Variants in SPTBN4 observed in about 807,000 individuals in gnomAD.
SPTBN4 encodes the protein spectrin beta chain, non-erythrocytic 4.
In SPTBN4, 96 loss-of-function variants were observed where a neutral mutation model predicts 277.8. The observed-to-expected ratio is 0.35, with a 90% CI of 0.29 to 0.41. The LOEUF (loss-of-function observed/expected upper bound fraction) is 0.41, where lower values mean the gene tolerates loss of function less well. Among genes scored for constraint, SPTBN4 ranks in the 10% least tolerant of loss-of-function variants. The probability of loss-of-function intolerance (pLI) is 1.00; values close to 1 mark genes in which losing one functional copy is unlikely to be tolerated. For missense variants in SPTBN4, 3,006 were observed against 3,595.7 expected, an observed-to-expected ratio of 0.84 and a Z score of 4.19; for synonymous variants, 1,481 against 1,580.3, an observed-to-expected ratio of 0.94 and a Z score of 1.49.
chr19:40,502,841 C>G lies in SPTBN4; in HGVS notation c.1270C>G (p.Gln424Glu), dbSNP rs2080279003. The G allele has an allele frequency of 3.7e-6, 6 of 1,613,900 alleles. No individual in the cohort carries two copies. Among genetic ancestry groups the G allele is most frequent in the Middle Eastern group, 3.3e-4 (2 of 6,062 alleles). ...TGCCCTACGGGCTGAGCTGATTCGGCAGGAGAAGCTGGAACTACTGGCACA... is the reference window on the plus strand; with the variant it reads ...TGCCCTACGGGCTGAGCTGATTCGGGAGGAGAAGCTGGAACTACTGGCACA... ...EAALRAELIR[Q>E]EKLELLAQRF... Residue 424 changes from glutamine (Q) to glutamate (E), a missense_variant, in exon 11 of 36, where the codon CAG (glutamine) becomes GAG (glutamate). By Grantham distance (29) the Gln-to-Glu change is conservative (BLOSUM62 2). Transcript: ENST00000598249. The surrounding 1 kb of genome is among the most constrained non-coding windows in gnomAD (Gnocchi z 4.9).
chr19:40,563,283 C>T (rs1218761370), intron 27 of SPTBN4, among the ~76,000 whole-genome samples: 1 of 151,936 alleles, frequency 6.6e-6, no homozygotes, highest in African/African-American at 2.4e-5. Flanking sequence ...ACCCTGGAGG[C>T]TAAGCCAGGA....
intron 20 of SPTBN4, among the ~76,000 whole-genome samples, chr19:40,535,560 C>CAAA (rs56829015): frequency 8.6e-6 from 1 of 115,934 alleles, no homozygotes; most frequent in Non-Finnish European, 1.8e-5. Context: ...TAGTGTATGG[C>CAAA]AAAAAAAAAA....
At chr19:40,498,811 C>T (rs1393606141) in intron 7 of SPTBN4, among the ~76,000 whole-genome samples, 1 of 151,934 alleles carries the variant, frequency 6.6e-6, no homozygotes, top group Admixed American at 6.6e-5. Context: ...AAGTGATTCT[C>T]CCATCTCAGC....
chr19:40,504,233 G>A lies in SPTBN4; in HGVS notation c.1665+101G>A. On this transcript the variant is annotated intron_variant, in intron 12 of 35. Transcript: ENST00000598249. ...GACAGCTGGAGATGGAGAGGGAAGGGCAGAGATAGAAGAAGATAGAGAGAA... is the reference window on the plus strand; with the variant it reads ...GACAGCTGGAGATGGAGAGGGAAGGACAGAGATAGAAGAAGATAGAGAGAA... The A allele has an allele frequency of 2.3e-5, 28 of 1,232,708 alleles. 1 individual carries two copies. The South Asian group carries it at 2.9e-4, about 13-fold the overall frequency. 76.4% of individuals were successfully genotyped at this position (1,232,708 alleles called of 1,614,324 possible). A position where few individuals can be genotyped will look rare whatever the true frequency, so the allele number is the denominator to read the frequency against.
At chr19:40,548,898 C>G (rs955125000) in intron 20 of SPTBN4, among the ~76,000 whole-genome samples, 3 of 152,146 alleles carry the variant, frequency 2.0e-5, no homozygotes, top group Non-Finnish European at 4.4e-5. Context: ...CACTTTAGTT[C>G]CGGGGTCAGG....
intron 35 of SPTBN4, among the ~76,000 whole-genome samples, chr19:40,574,830 C>T (rs1048698007): frequency 7.2e-5 from 11 of 151,960 alleles, no homozygotes; most frequent in South Asian, 2.1e-4. Context: ...GTGTGGCCAA[C>T]GTGGCGAAAC....
chr19:40,476,932 A>AT (rs371355869), intron 2 of SPTBN4, among the ~76,000 whole-genome samples: 264 of 151,974 alleles, frequency 1.7e-3, no homozygotes, highest in African/African-American at 6.2e-3. Context: ...GGGTCTCTCC[A>AT]TGTTGCCTAG....
At chr19:40,471,370 A>T (rs564163596) in intron 1 of SPTBN4, among the ~76,000 whole-genome samples, 1 of 152,292 alleles carries the variant, frequency 6.6e-6, no homozygotes, top group African/African-American at 2.4e-5. Flanking sequence ...ACTGTTAGGG[A>T]ATTAAATTTG....
At position 40,502,477 on chromosome 19, in the gene SPTBN4, G is replaced by C; in HGVS notation, c.1173G>C (p.Arg391=). 1 of 1,613,360 alleles carries C rather than the reference G, an allele frequency of 6.2e-7. No homozygotes were observed. Among genetic ancestry groups the C allele is most frequent in the Non-Finnish European group, 8.5e-7 (1 of 1,179,884 alleles). The change falls in exon 10 of 36, where the codon CGG becomes CGC. Residue 391 remains arginine (R), a synonymous_variant. Transcript: ENST00000598249. This position sits in a 1 kb window ranked among gnomAD's most constrained non-coding sequence, Gnocchi z 4.9. The part of the protein sequence containing the change: ...RACNRRLFVP[R]EGCGIWDIDK... ...GCAACCGTCGCCTCTTTGTGCCTCG[G>C]GAGGGCTGTGGCATCTGGGATATTG...
rs2080953795 is a variant in SPTBN4, at chr19:40,554,421, G to A, written c.4949G>A (p.Gly1650Asp). The A allele has an allele frequency of 6.4e-7, 1 of 1,565,504 alleles. No homozygotes were observed. The highest frequency in any genetic ancestry group is 8.7e-7 in the Non-Finnish European group (1 of 1,153,232). Residue 1650 changes from glycine (G) to aspartate (D), a missense_variant, in exon 23 of 36, where the codon GGC becomes GAC. By Grantham distance (94) the Gly-to-Asp change is moderately conservative (BLOSUM62 -1). This residue lies in a region of SPTBN4 where 1,759 missense variants were observed against 2,061.5 expected (regional missense o/e 0.85). Coordinates refer to ENST00000598249, the MANE Select transcript of SPTBN4 (RefSeq NM_020971.3). The surrounding 1 kb of genome is among the most constrained non-coding windows in gnomAD (Gnocchi z 5.7). ...CTGCTCATGATGAGTGAGGACAAGG[G>A]CAAGGTGCGCCCGAGCTGGGGGTGC... ...QELLMMSEDKGKDEQSTLQLL... is the reference protein window; with the variant it reads ...QELLMMSEDKDKDEQSTLQLL...
chr19:40,549,243 C>G lies in SPTBN4; in HGVS notation c.4414C>G (p.Gln1472Glu), dbSNP rs1340951266. The G allele has an allele frequency of 1.9e-6, 3 of 1,547,858 alleles. No individual in the cohort carries two copies. Among genetic ancestry groups the G allele is most frequent in the South Asian group, 2.4e-5 (2 of 83,984 alleles). Residue 1472 changes from glutamine to glutamate, a missense_variant, in exon 21 of 36, where the codon CAG becomes GAG. This residue lies in a region of SPTBN4 where 1,759 missense variants were observed against 2,061.5 expected (regional missense o/e 0.85). Transcript: ENST00000598249. ...CCGCGAGGTGGGAGAGCTGCAGGCG[C>G]AGACGGCGGCGCTGCCGCTGGAGCC... ...WYREVGELQA[Q>E]TAALPLEPAS...
At chr19:40,517,272 T>C (rs912664484) in intron 15 of SPTBN4, among the ~76,000 whole-genome samples, 4 of 151,754 alleles carry the variant, frequency 2.6e-5, no homozygotes, top group Admixed American at 2.0e-4. Context: ...TATGTTTGAC[T>C]TCAAAGACTG....
intron 11 of SPTBN4, among the ~76,000 whole-genome samples, chr19:40,503,466 G>A (rs1405488993): frequency 6.6e-6 from 1 of 151,376 alleles, no homozygotes; most frequent in Non-Finnish European, 1.5e-5. Flanking sequence ...AGGGGAGGGT[G>A]GGTCTGGTCT....
Position 40,554,645 on chromosome 19 carries a change from A to G in SPTBN4, c.5083A>G (p.Ser1695Gly). The G allele has an allele frequency of 6.3e-7, 1 of 1,589,324 alleles. No homozygotes were observed. The highest frequency in any genetic ancestry group is 8.6e-7 in the Non-Finnish European group (1 of 1,167,552). The change falls in exon 24 of 36, where the codon AGC becomes GGC. Residue 1695 changes from serine to glycine, a missense_variant and splice_region_variant. By Grantham distance (56) the Ser-to-Gly change is moderately conservative. This residue lies in a region of SPTBN4 where 425 missense variants were observed against 594.7 expected (regional missense o/e 0.71). Coordinates refer to ENST00000598249, the MANE Select transcript of SPTBN4 (RefSeq NM_020971.3). This position sits in a 1 kb window ranked among gnomAD's most constrained non-coding sequence, Gnocchi z 5.7. ...GCTGCTGGAGATGGGGCACCCGGAC[A>G]GGTGGGCGGGCGCGTGGCCAGTTCA... ...RALLEMGHPDSEQISRRQSQV... is the reference protein window; with the variant it reads ...RALLEMGHPDGEQISRRQSQV...
At position 40,546,238 on chromosome 19, in the gene SPTBN4, A is replaced by C. The variant is rs112136737; in HGVS notation, c.4360-2951A>C. On this transcript the variant is annotated intron_variant, in intron 20 of 35. Coordinates refer to ENST00000598249, the MANE Select transcript of SPTBN4 (RefSeq NM_020971.3). ...GAAACTCCATCTCAAAAAAAAAAAAAAAAGAAAGAAAGAAAGAAAAGAAAA... is the reference window on the plus strand; with the variant it reads ...GAAACTCCATCTCAAAAAAAAAAAACAAAGAAAGAAAGAAAGAAAAGAAAA... Among the ~76,000 whole-genome samples the C allele has an allele frequency of 1.1e-4, 16 of 151,404 alleles. 1 individual carries two copies. The highest frequency in any genetic ancestry group is 3.4e-3 in the Middle Eastern group (1 of 292).
intron 7 of SPTBN4, among the ~76,000 whole-genome samples, chr19:40,501,623 G>A (rs1036074348): frequency 4.0e-5 from 6 of 151,860 alleles, no homozygotes; most frequent in South Asian, 2.1e-4. Context: ...AGTTGAGATC[G>A]TGCCATTGCA....
intron 20 of SPTBN4, among the ~76,000 whole-genome samples, chr19:40,548,181 G>C (rs958280839): frequency 1.3e-5 from 2 of 152,104 alleles, no homozygotes; most frequent in African/African-American, 4.8e-5. Flanking sequence ...AATTACTATA[G>C]CTTTGTATTT....
chr19:40,564,285 T>C (rs879501260), intron 27 of SPTBN4, among the ~76,000 whole-genome samples: 25 of 152,144 alleles, frequency 1.6e-4, no homozygotes, highest in Admixed American at 9.8e-4. Context: ...TGAACCTACC[T>C]AGAAGGGGGA....
chr19:40,563,672 C>G (rs2081065528), intron 27 of SPTBN4, among the ~76,000 whole-genome samples: 1 of 142,428 alleles, frequency 7.0e-6, no homozygotes, highest in Non-Finnish European at 1.5e-5. Flanking sequence ...GGAGATCGCA[C>G]CACTGCAGTC....
Sources: gnomAD v4.1 joint callset for allele counts (sites outside exome capture counted in the v4.1 genomes callset) on GRCh38, gnomAD v4.1.1 for gene constraint, gnomAD v4.1.1 regional missense constraint, Gnocchi (gnomAD v3.1) non-coding constraint, MANE v1.5 for transcripts, NCBI Gene and HGNC (gene_info 2026-07-23, HGNC 2026-07-21) for gene names.